Variants in SLITRK2 observed in about 807,000 individuals in gnomAD.
The protein encoded by SLITRK2 is SLIT and NTRK-like protein 2.
A neutral mutation model predicts 35.4 loss-of-function variants in SLITRK2; 13 were observed. That is an observed-to-expected ratio of 0.37 (90% CI 0.24 to 0.58). The LOEUF (loss-of-function observed/expected upper bound fraction) is 0.58. Among genes scored for constraint, SLITRK2 ranks in the 20% least tolerant of loss-of-function variants. SLITRK2 has a pLI of 0.75. For synonymous variants in SLITRK2, 294 were observed against 264.7 expected, an observed-to-expected ratio of 1.11 and a Z score of -1.07; for missense variants, 471 against 634.3, an observed-to-expected ratio of 0.74 and a Z score of 2.76.
rs2073088603 is a variant in SLITRK2 at position 145,824,571 on chromosome X, C to G, written c.2146C>G (p.Gln716Glu). The change falls in exon 5 of 5, where the codon CAA (glutamine) becomes GAA (glutamate). Residue 716 changes from glutamine (Q) to glutamate (E), a missense_variant. Gln to Glu is a conservative substitution (Grantham distance 29, BLOSUM62 2). Coordinates refer to ENST00000335565, the MANE Select transcript of SLITRK2 (RefSeq NM_032539.5). ...CCCAGTAGCCTATTACCGAAACCTGCAAGAGTTCAGCTATAGCAACCTGGA... is the reference window on the plus strand; with the variant it reads ...CCCAGTAGCCTATTACCGAAACCTGGAAGAGTTCAGCTATAGCAACCTGGA... Reference protein sequence around the residue: ...GDPVAYYRNLQEFSYSNLEEK... With the variant: ...GDPVAYYRNLEEFSYSNLEEK... The G allele has an allele frequency of 8.3e-7, 1 of 1,210,486 alleles. No homozygotes were observed. Among genetic ancestry groups the G allele is most frequent in the Admixed American group, 2.2e-5 (1 of 45,813 alleles).
In SLITRK2 at chrX:145,824,199, A is replaced by G. The variant is rs781886632; in HGVS notation, c.1774A>G (p.Met592Val). 1.7e-6 allele frequency: 2 copies of G among 1,210,557 alleles called. No homozygotes were observed. The highest frequency in any genetic ancestry group is 1.8e-5 in the South Asian group (1 of 56,728). Reference sequence around the variant, plus strand: ...CTTGTCAGATGGAACCGTCTTGTCAATGAATCACAATACAGACACACCTCG... The same window carrying G: ...CTTGTCAGATGGAACCGTCTTGTCAGTGAATCACAATACAGACACACCTCG... ...PNLSDGTVLS[M>V]NHNTDTPRSL... is the part of the protein sequence containing the mutation. The change falls in exon 5 of 5, where the codon ATG becomes GTG. Residue 592 changes from methionine (M) to valine (V), a missense_variant. Physicochemically the swap from Met to Val is conservative, Grantham distance 21 (BLOSUM62 1). Coordinates refer to ENST00000335565, the MANE Select transcript of SLITRK2 (RefSeq NM_032539.5).
chrX:145,828,120 A>C lies in SLITRK2; in HGVS notation c.*3157A>C, dbSNP rs1216324986. ...GAAACACTCAAAAATACCACTTCTC[A>C]GTATGAACACAATTGCTAAGAGCCT... is the stretch of plus-strand genomic sequence containing the variant. On this transcript the variant is annotated 3_prime_UTR_variant, in exon 5 of 5. Transcript: ENST00000335565. 1.3e-6 allele frequency: 1 copy of C among 745,315 alleles called. No homozygotes were observed. The highest frequency in any genetic ancestry group is 1.9e-6 in the Non-Finnish European group (1 of 525,972). 61.4% of individuals were successfully genotyped at this position (745,315 alleles called of 1,213,427 possible). A position where few individuals can be genotyped will look rare whatever the true frequency, so the allele number is the denominator to read the frequency against.
Position 145,824,828 on chromosome X carries a change from C to T in SLITRK2, c.2403C>T (p.Thr801=), listed in dbSNP as rs1001861008. The stretch of plus-strand genomic sequence containing the variant: ...AAAACCAAGACAGAATCAATAAAAC[C>T]GTTTTATATGGAACTCCCAGGAAAT... ...RRQNQDRINK[T]VLYGTPRKCF... The change falls in exon 5 of 5, where the codon ACC becomes ACT. Residue 801 remains threonine (T), a synonymous_variant. Coordinates refer to ENST00000335565, the MANE Select transcript of SLITRK2 (RefSeq NM_032539.5). The T allele has an allele frequency of 5.0e-6, 6 of 1,211,604 alleles. No individual in the cohort carries two copies. Among genetic ancestry groups the T allele is most frequent in the South Asian group, 1.8e-5 (1 of 56,976 alleles).
At position 145,828,124 on chromosome X, in the gene SLITRK2, T is replaced by C. The variant is rs1334063608; in HGVS notation, c.*3161T>C. 1.4e-6 allele frequency: 1 copy of C among 703,644 alleles called. No individual in the cohort carries two copies. The highest frequency in any genetic ancestry group is 3.6e-5 in the East Asian group (1 of 27,590). The allele number at this position is 703,644 out of a possible 1,213,427, so 58.0% of individuals were successfully genotyped here. On this transcript the variant is annotated 3_prime_UTR_variant, in exon 5 of 5. Transcript: ENST00000335565. ...CACTCAAAAATACCACTTCTCAGTA[T>C]GAACACAATTGCTAAGAGCCTAATT...
Position 145,823,366 on chromosome X carries a change from G to A in SLITRK2, c.941G>A (p.Arg314Gln), listed in dbSNP as rs1194199688. The change falls in exon 5 of 5, where the codon CGA becomes CAA. Residue 314 changes from arginine to glutamine, a missense_variant. Coordinates refer to ENST00000335565, the MANE Select transcript of SLITRK2 (RefSeq NM_032539.5). Reference protein sequence around the residue: ...PPKMRNRPTPRVTVSKDRQSF... With the variant: ...PPKMRNRPTPQVTVSKDRQSF... Reference sequence around the variant, plus strand: ...AAAATGAGAAATCGTCCAACTCCTCGAGTGACTGTGTCAAAGGACAGGCAA... The same window carrying A: ...AAAATGAGAAATCGTCCAACTCCTCAAGTGACTGTGTCAAAGGACAGGCAA... 70 of 1,209,439 alleles carry A rather than the reference G, an allele frequency of 5.8e-5. No homozygotes were observed. The highest frequency in any genetic ancestry group is 1.2e-4 in the South Asian group (7 of 56,758).
rs1556946164 is a variant in SLITRK2, at chrX:145,827,825, C to G, written c.*2862C>G. On this transcript the variant is annotated 3_prime_UTR_variant, in exon 5 of 5. Transcript: ENST00000335565. ...CTGTTTTGCTTTATCTGCTCAAGCA[C>G]TTTCGACCATATTTTATTTTAGGAT... 3 of 1,211,965 alleles carry G rather than the reference C, an allele frequency of 2.5e-6. No homozygotes were observed. The highest frequency in any genetic ancestry group is 3.3e-6 in the Non-Finnish European group (3 of 895,558).
At chrX:145,821,253 G>A (rs968282901) in intron 2 of SLITRK2, 95 bp from the exon 3 acceptor site, 7 of 108,348 alleles carry the variant, frequency 6.5e-5, no homozygotes, top group Non-Finnish European at 9.6e-5. Context: ...AGGAGTGAGA[G>A]AGAACACACA....
Position 145,826,639 on chromosome X carries a change from TG to T in SLITRK2, c.*1679del. 8.9e-6 allele frequency: 1 copy of T among 112,359 alleles called. No individual in the cohort carries two copies. The highest frequency in any genetic ancestry group is 2.8e-4 in the East Asian group (1 of 3,603). The allele number at this position is 112,359 out of a possible 1,213,427, so 9.3% of individuals were successfully genotyped here. A position where few individuals can be genotyped will look rare whatever the true frequency, so the allele number is the denominator to read the frequency against. On this transcript the variant is annotated 3_prime_UTR_variant, in exon 5 of 5. Transcript: ENST00000335565. ...TGTCTATTGTAAATCCTTATGCAAC[TG>T]GGATGGTGATCTGCATATAAAGTAG... is the stretch of plus-strand genomic sequence containing the variant.
Position 145,828,612 on chromosome X carries a change from C to T in SLITRK2, c.*3649C>T, listed in dbSNP as rs967130566. ...CGCCACCCCCTACTACTCACTCTCA[C>T]CCTAGCAAGGAGCTTCGTGCTAATA... is the stretch of plus-strand genomic sequence containing the variant. On this transcript the variant is annotated 3_prime_UTR_variant, in exon 5 of 5. Coordinates refer to ENST00000335565, the MANE Select transcript of SLITRK2 (RefSeq NM_032539.5). 9 of 122,678 alleles carry T rather than the reference C, an allele frequency of 7.3e-5. No homozygotes were observed. Among genetic ancestry groups the T allele is most frequent in the South Asian group, 3.9e-4 (1 of 2,595 alleles). The allele number at this position is 122,678 out of a possible 1,213,427, so 10.1% of individuals were successfully genotyped here.
rs1211259058 is a variant in SLITRK2, at chrX:145,827,541, C to T, written c.*2578C>T. ...TGATACCTTAATATTAACTTACTTACACGATTTTAAAGACGCCTACTGAGA... is the reference window on the plus strand; with the variant it reads ...TGATACCTTAATATTAACTTACTTATACGATTTTAAAGACGCCTACTGAGA... On this transcript the variant is annotated 3_prime_UTR_variant, in exon 5 of 5. Transcript: ENST00000335565. 6 of 526,578 alleles carry T rather than the reference C, an allele frequency of 1.1e-5. No individual in the cohort carries two copies. The highest frequency in any genetic ancestry group is 1.7e-5 in the Non-Finnish European group (6 of 349,385). The allele number at this position is 526,578 out of a possible 1,213,427, so 43.4% of individuals were successfully genotyped here.
In SLITRK2 at chrX:145,828,144, C is replaced by A; in HGVS notation, c.*3181C>A. The A allele has an allele frequency of 1.6e-6, 1 of 623,515 alleles. No individual in the cohort carries two copies. The highest frequency in any genetic ancestry group is 2.4e-6 in the Non-Finnish European group (1 of 423,021). The allele number at this position is 623,515 out of a possible 1,213,427, so 51.4% of individuals were successfully genotyped here. A position where few individuals can be genotyped will look rare whatever the true frequency, so the allele number is the denominator to read the frequency against. The stretch of plus-strand genomic sequence containing the variant: ...CAGTATGAACACAATTGCTAAGAGC[C>A]TAATTTGGTTCTGGACTATGGTCAA... On this transcript the variant is annotated 3_prime_UTR_variant, in exon 5 of 5. Transcript: ENST00000335565.
At position 145,822,758 on chromosome X, in the gene SLITRK2, T is replaced by C. The variant is rs782510954; in HGVS notation, c.333T>C (p.Thr111=). The part of the protein sequence containing the change: ...IRTGAFSGLK[T]LKRLHLNNNK... Reference sequence around the variant, plus strand: ...CGGGGGCATTCAGTGGCCTGAAAACTCTCAAAAGACTGCATCTCAACAACA... The same window carrying C: ...CGGGGGCATTCAGTGGCCTGAAAACCCTCAAAAGACTGCATCTCAACAACA... Residue 111 remains threonine (T), a synonymous_variant, in exon 5 of 5, where the codon ACT becomes ACC. Coordinates refer to ENST00000335565, the MANE Select transcript of SLITRK2 (RefSeq NM_032539.5). 8.3e-7 allele frequency: 1 copy of C among 1,210,920 alleles called. No individual in the cohort carries two copies. The highest frequency in any genetic ancestry group is 2.2e-5 in the Admixed American group (1 of 45,981).
chrX:145,821,154 C>CAG (rs9306712), intron 2 of SLITRK2, 194 bp from the exon 3 acceptor site: 19 of 109,685 alleles, frequency 1.7e-4, no homozygotes, highest in African/African-American at 6.1e-4. Flanking sequence ...CACACACACA[C>CAG]GCTTCTCCCT....
rs782178062 is a variant in SLITRK2 at position 145,824,441 on chromosome X, C to T, written c.2016C>T (p.Tyr672=). 2 of 1,211,247 alleles carry T rather than the reference C, an allele frequency of 1.7e-6. No individual in the cohort carries two copies. The highest frequency in any genetic ancestry group is 2.2e-6 in the Non-Finnish European group (2 of 895,246). The change falls in exon 5 of 5, where the codon TAC becomes TAT. Residue 672 remains tyrosine (Y), a synonymous_variant. Coordinates refer to ENST00000335565, the MANE Select transcript of SLITRK2 (RefSeq NM_032539.5). ...CCTTTCAATTACAGTATGGGTCTTACAACACTGAGACTCACGATAAAACAG... is the reference window on the plus strand; with the variant it reads ...CCTTTCAATTACAGTATGGGTCTTATAACACTGAGACTCACGATAAAACAG... ...VSSFQLQYGS[Y]NTETHDKTDG...
rs2073112332 is a variant in SLITRK2, at chrX:145,825,400, A to G, written c.*437A>G. ...TTAGTGTATTTTGTAGAAGATCTCC[A>G]AAGATCTTTTGTGACTACAACTTCT... On this transcript the variant is annotated 3_prime_UTR_variant, in exon 5 of 5. Transcript: ENST00000335565. 1 of 128,321 alleles carries G rather than the reference A, an allele frequency of 7.8e-6. No homozygotes were observed. Among genetic ancestry groups the G allele is most frequent in the Non-Finnish European group, 1.7e-5 (1 of 57,277 alleles). 10.6% of individuals were successfully genotyped at this position (128,321 alleles called of 1,213,427 possible). A position where few individuals can be genotyped will look rare whatever the true frequency, so the allele number is the denominator to read the frequency against.
rs1556944924 is a variant in SLITRK2, at chrX:145,824,480, C to T, written c.2055C>T (p.Tyr685=). Residue 685 remains tyrosine, a synonymous_variant, in exon 5 of 5, where the codon TAC becomes TAT. Transcript: ENST00000335565. ...ACGATAAAACAGACGGCCATGTCTACAACTATATCCCCCCACCTGTGGGTC... is the reference window on the plus strand; with the variant it reads ...ACGATAAAACAGACGGCCATGTCTATAACTATATCCCCCCACCTGTGGGTC... ...ETHDKTDGHV[Y]NYIPPPVGQM... 1 of 1,211,463 alleles carries T rather than the reference C, an allele frequency of 8.3e-7. No individual in the cohort carries two copies. The highest frequency in any genetic ancestry group is 3.0e-5 in the East Asian group (1 of 33,799).
rs2073040876 is a variant in SLITRK2 at position 145,822,551 on chromosome X, G to T, written c.126G>T (p.Leu42=). Reference sequence around the variant, plus strand: ...TGTGCGAAGAAAAGGAAAACGTACTGAATATCAACTGTGAGAACAAAGGAT... The same window carrying T: ...TGTGCGAAGAAAAGGAAAACGTACTTAATATCAACTGTGAGAACAAAGGAT... ...RCLCEEKENV[L]NINCENKGFT... The change falls in exon 5 of 5, where the codon CTG becomes CTT. Residue 42 remains leucine, a synonymous_variant. Transcript: ENST00000335565. 2.5e-6 allele frequency: 3 copies of T among 1,209,911 alleles called. No homozygotes were observed. In the Admixed American group the frequency reaches 6.6e-5, roughly 26 times the overall value.
chrX:145,827,501 A>C lies in SLITRK2; in HGVS notation c.*2538A>C, dbSNP rs2124227303. The stretch of plus-strand genomic sequence containing the variant: ...TCCATAGAAAAAATATTAACTCATT[A>C]AGTTTAAAGACAGATGATACCTTAA... On this transcript the variant is annotated 3_prime_UTR_variant, in exon 5 of 5. Coordinates refer to ENST00000335565, the MANE Select transcript of SLITRK2 (RefSeq NM_032539.5). 2.7e-6 allele frequency: 1 copy of C among 368,568 alleles called. No individual in the cohort carries two copies. The highest frequency in any genetic ancestry group is 5.6e-5 in the Admixed American group (1 of 17,836). The allele number at this position is 368,568 out of a possible 1,213,427, so 30.4% of individuals were successfully genotyped here.
intron 1 of SLITRK2, chrX:145,818,329 A>G (rs1255516876): frequency 8.9e-6 from 1 of 112,848 alleles, no homozygotes; most frequent in Non-Finnish European, 1.9e-5. Flanking sequence ...GTCGGCCTGC[A>G]GTGCCCAAGT....
Sources: gnomAD v4.1 joint callset for allele counts on GRCh38, gnomAD v4.1.1 for gene constraint, MANE v1.5 for transcripts, NCBI Gene and HGNC (gene_info 2026-07-23, HGNC 2026-07-21) for gene names.